Variants in EPHA6 observed in about 807,000 individuals in gnomAD.
The protein encoded by EPHA6 is ephrin type-A receptor 6.
A neutral mutation model predicts 112.0 loss-of-function variants in EPHA6; 50 were observed. The observed-to-expected ratio is 0.45, with a 90% CI of 0.36 to 0.56. The LOEUF is 0.56. Ranked by LOEUF, EPHA6 falls within the 20% of genes least tolerant of loss-of-function variation. The pLI is 0.00. For synonymous variants in EPHA6, 529 were observed against 490.7 expected, an observed-to-expected ratio of 1.08 and a Z score of -1.03; for missense variants, 1,280 against 1,417.4, an observed-to-expected ratio of 0.90 and a Z score of 1.56.
intron 10 of EPHA6, among the ~76,000 whole-genome samples, chr3:97,492,058 CCACATAG>C (rs1327565511): frequency 6.6e-6 from 1 of 151,888 alleles, no homozygotes; most frequent in Non-Finnish European, 1.5e-5. Flanking sequence ...TTACAATCTA[CCACATAG>C]CTGATAGATT....
intron 3 of EPHA6, among the ~76,000 whole-genome samples, chr3:97,101,615 G>A (rs2047406156): frequency 6.6e-6 from 1 of 152,068 alleles, no homozygotes; most frequent in African/African-American, 2.4e-5. Context: ...CAATGTCAGG[G>A]ATACACCTGA....
At chr3:97,685,153 A>G (rs1407403051) in intron 14 of EPHA6, among the ~76,000 whole-genome samples, 1 of 152,210 alleles carries the variant, frequency 6.6e-6, no homozygotes, top group Non-Finnish European at 1.5e-5. Flanking sequence ...ACAGAAATAA[A>G]TTTGTCTAGA....
At chr3:97,026,554 G>C (rs986164925) in intron 3 of EPHA6, among the ~76,000 whole-genome samples, 1 of 152,042 alleles carries the variant, frequency 6.6e-6, no homozygotes. Context: ...TGACTTGGCT[G>C]TAAGTCTAAT....
intron 10 of EPHA6, among the ~76,000 whole-genome samples, chr3:97,515,795 C>A (rs781515218): frequency 1.2e-4 from 18 of 152,056 alleles, no homozygotes; most frequent in South Asian, 2.1e-4. Context: ...TATTTAGAGG[C>A]ATGCTTTAGT....
chr3:97,220,770 C>T (rs2078171546), intron 3 of EPHA6, among the ~76,000 whole-genome samples: 1 of 152,088 alleles, frequency 6.6e-6, no homozygotes, highest in African/African-American at 2.4e-5. Flanking sequence ...CAAAGCCTAA[C>T]CAAATCAGTC....
intron 11 of EPHA6, among the ~76,000 whole-genome samples, chr3:97,556,227 C>G (rs1560134038): frequency 6.6e-6 from 1 of 152,032 alleles, no homozygotes; most frequent in Non-Finnish European, 1.5e-5. Flanking sequence ...TCTGATCAAT[C>G]CTGGTGCTTC....
In EPHA6 at chr3:97,291,089, G is replaced by A. The variant is rs867565319; in HGVS notation, c.1606+46802G>A. ...TTGTGTTTTGACTTTCATTTGTTTC[G>A]AGATGCTTTTTTTTAAATTTCTTTC... On this transcript the variant is annotated intron_variant, in intron 5 of 17. Coordinates refer to ENST00000389672, the MANE Select transcript of EPHA6 (RefSeq NM_001080448.3). Among the ~76,000 whole-genome samples, 112 of 151,918 alleles carry A rather than the reference G, an allele frequency of 7.4e-4. 1 individual carries two copies. Among genetic ancestry groups the A allele is most frequent in the African/African-American group, 2.2e-3 (89 of 41,362 alleles).
At chr3:97,403,170 A>G (rs1041558112) in intron 5 of EPHA6, among the ~76,000 whole-genome samples, 21 of 152,144 alleles carry the variant, frequency 1.4e-4, no homozygotes, top group Non-Finnish European at 2.2e-4. Flanking sequence ...CTTTATATAT[A>G]TATGAAACAG....
intron 11 of EPHA6, among the ~76,000 whole-genome samples, chr3:97,570,326 G>T (rs2107218857): frequency 6.6e-6 from 1 of 152,290 alleles, no homozygotes; most frequent in Non-Finnish European, 1.5e-5. Context: ...CCGGAGAAGT[G>T]GTGTCAGCAA....
At chr3:97,343,418 A>G (rs2083403142) in intron 5 of EPHA6, among the ~76,000 whole-genome samples, 1 of 152,206 alleles carries the variant, frequency 6.6e-6, no homozygotes. Context: ...AGTAAAATGA[A>G]AAAGGGAAGA....
rs148969127 is a variant in EPHA6, at chr3:97,009,876, A to G, written c.1114+21883A>G. ...TTGTGGCTCTCAGGTAGGCCACCAC[A>G]CCACTCTGCTCTTCCTTCTCTCCAT... On this transcript the variant is annotated intron_variant, in intron 3 of 17. Coordinates refer to ENST00000389672, the MANE Select transcript of EPHA6 (RefSeq NM_001080448.3). The G allele has an allele frequency of 5.4e-3, 2,248 of 414,138 alleles. 11 individuals carry two copies. Among genetic ancestry groups the G allele is most frequent in the Admixed American group, 8.5e-3 (296 of 34,878 alleles). 25.7% of individuals were successfully genotyped at this position (414,138 alleles called of 1,614,324 possible).
chr3:97,480,965 G>A (rs2091523078), intron 9 of EPHA6, among the ~76,000 whole-genome samples: 1 of 151,940 alleles, frequency 6.6e-6, no homozygotes, highest in African/African-American at 2.4e-5. Context: ...GATGGCGGCC[G>A]GGAAGAGGCG....
intron 3 of EPHA6, among the ~76,000 whole-genome samples, chr3:97,130,903 G>T (rs933437434): frequency 6.6e-6 from 1 of 152,076 alleles, no homozygotes; most frequent in Non-Finnish European, 1.5e-5. Flanking sequence ...TATTTTGGAT[G>T]ATATGTTCGT....
chr3:96,956,956 C>G (rs183337683), intron 2 of EPHA6, among the ~76,000 whole-genome samples: 31 of 151,592 alleles, frequency 2.0e-4, no homozygotes, highest in African/African-American at 7.5e-4. Context: ...TCGCTTGAAC[C>G]CAGGAGGCAG....
chr3:97,367,698 T>C (rs961101001), intron 5 of EPHA6, among the ~76,000 whole-genome samples: 8 of 152,100 alleles, frequency 5.3e-5, no homozygotes, highest in African/African-American at 1.7e-4. Context: ...TTGAATATAC[T>C]ATTTCATATT....
intron 11 of EPHA6, among the ~76,000 whole-genome samples, chr3:97,567,036 T>G (rs1213066833): frequency 6.6e-6 from 1 of 152,252 alleles, no homozygotes; most frequent in Non-Finnish European, 1.5e-5. Context: ...AAAATCAATG[T>G]GCTCTTCCAA....
At chr3:97,311,226 C>T (rs2081545223) in intron 5 of EPHA6, among the ~76,000 whole-genome samples, 1 of 151,640 alleles carries the variant, frequency 6.6e-6, no homozygotes, top group Non-Finnish European at 1.5e-5. Context: ...ACCTAAAACA[C>T]TTTTCTCTTG....
chr3:96,967,898 T>C (rs2042182962), intron 2 of EPHA6, among the ~76,000 whole-genome samples: 1 of 151,782 alleles, frequency 6.6e-6, no homozygotes, highest in Admixed American at 6.6e-5. Context: ...TTATAAGATC[T>C]GGGAGTCTTT....
intron 2 of EPHA6, among the ~76,000 whole-genome samples, chr3:96,932,939 A>G (rs144080568): frequency 3.3e-5 from 5 of 152,284 alleles, no homozygotes; most frequent in African/African-American, 9.6e-5. Flanking sequence ...AATTTACTAT[A>G]GGATTTTTAA....
Sources: gnomAD v4.1 joint callset for allele counts (sites outside exome capture counted in the v4.1 genomes callset) on GRCh38, gnomAD v4.1.1 for gene constraint, MANE v1.5 for transcripts, NCBI Gene and HGNC (gene_info 2026-07-23, HGNC 2026-07-21) for gene names.